Variants in PTPRD observed in about 807,000 individuals in gnomAD.
The protein encoded by PTPRD is protein tyrosine phosphatase receptor type D.
In PTPRD, 34 loss-of-function variants were observed where a neutral mutation model predicts 214.5. The ratio of observed to expected loss-of-function variants is 0.16; its 90% CI spans 0.12 to 0.21. The LOEUF (loss-of-function observed/expected upper bound fraction) is 0.21, where lower values mean the gene tolerates loss of function less well. PTPRD is among the 10% of genes least tolerant of loss of function. The pLI, the probability that PTPRD is intolerant of heterozygous loss-of-function variation, is 1.00. For synonymous variants in PTPRD, 1,128 were observed against 845.7 expected, an observed-to-expected ratio of 1.33 and a Z score of -5.79; for missense variants, 2,545 against 2,398.7, an observed-to-expected ratio of 1.06 and a Z score of -1.27.
intron 9 of PTPRD, among the ~76,000 whole-genome samples, chr9:9,189,838 G>A (rs776260678): frequency 1.3e-5 from 2 of 151,974 alleles, no homozygotes; most frequent in Admixed American, 1.3e-4. Flanking sequence ...GCTGTTCATT[G>A]ATATTTCCAT....
At chr9:9,405,528 C>T (rs555675715) in intron 8 of PTPRD, among the ~76,000 whole-genome samples, 9 of 151,980 alleles carry the variant, frequency 5.9e-5, no homozygotes, top group Non-Finnish European at 1.0e-4. Flanking sequence ...TGCTCTGGGG[C>T]ATGCTTTATA....
At chr9:8,782,492 A>T (rs1359449490) in intron 11 of PTPRD, among the ~76,000 whole-genome samples, 1 of 152,090 alleles carries the variant, frequency 6.6e-6, no homozygotes, top group African/African-American at 2.4e-5. Context: ...TCTTTTCATC[A>T]TATGGCTAAA....
chr9:8,913,625 T>A (rs2098763618), intron 11 of PTPRD, among the ~76,000 whole-genome samples: 1 of 152,106 alleles, frequency 6.6e-6, no homozygotes, highest in South Asian at 2.1e-4. Flanking sequence ...AATTTAGGAA[T>A]GCGTTTTGCA....
chr9:9,967,760 G>A (rs1050019027), intron 4 of PTPRD, among the ~76,000 whole-genome samples: 1 of 152,112 alleles, frequency 6.6e-6, no homozygotes, highest in Non-Finnish European at 1.5e-5. Context: ...AAGAACTATT[G>A]ATATAGACAT....
In PTPRD at chr9:10,060,893, CTTCCTTCTTTCTTTCTTTCT is replaced by C. The variant is rs1354234336; in HGVS notation, c.-544-27123_-544-27104del. On this transcript the variant is annotated intron_variant, in intron 3 of 45. Coordinates refer to ENST00000381196, the MANE Select transcript of PTPRD (RefSeq NM_002839.4). Reference sequence around the variant, plus strand: ...CTTTCCTTCCTTCCTTCCTTCCTTCCTTCCTTCTTTCTTTCTTTCTTTCTTTCTTTCTTTCTTTCTTTCTT... The same window carrying C: ...CTTTCCTTCCTTCCTTCCTTCCTTCCTTCTTTCTTTCTTTCTTTCTTTCTT... Among the ~76,000 whole-genome samples, 148 of 79,238 alleles carry C rather than the reference CTTCCTTCTTTCTTTCTTTCT, an allele frequency of 1.9e-3. 10 individuals carry two copies. In the African/African-American group the frequency reaches 0.019, roughly 10 times the overall value. The allele number at this position is 79,238 out of a possible 152,430, so 52.0% of individuals were successfully genotyped here. A position where few individuals can be genotyped will look rare whatever the true frequency, so the allele number is the denominator to read the frequency against.
chr9:8,656,691 A>G (rs2096916281), intron 12 of PTPRD, among the ~76,000 whole-genome samples: 1 of 152,212 alleles, frequency 6.6e-6, no homozygotes, highest in South Asian at 2.1e-4. Context: ...CTGAATTGAA[A>G]TATATTTGTT....
chr9:10,045,871 T>G (rs866093184), intron 3 of PTPRD, among the ~76,000 whole-genome samples: 6 of 151,732 alleles, frequency 4.0e-5, no homozygotes, highest in Non-Finnish European at 8.9e-5. Context: ...ATTTATTCTG[T>G]GTTAAGAATC....
At chr9:10,464,452 G>C (rs1379141511) in intron 2 of PTPRD, among the ~76,000 whole-genome samples, 1 of 151,294 alleles carries the variant, frequency 6.6e-6, no homozygotes, top group African/African-American at 2.4e-5. Context: ...AGGAGGAAAG[G>C]AGGAGAGGAG....
chr9:10,039,574 A>T (rs2097257814), intron 3 of PTPRD, among the ~76,000 whole-genome samples: 1 of 152,068 alleles, frequency 6.6e-6, no homozygotes, highest in African/African-American at 2.4e-5. Flanking sequence ...CCTTATATAA[A>T]GAACACTTAG....
chr9:9,919,175 T>TA (rs201195966), intron 5 of PTPRD, among the ~76,000 whole-genome samples: 2 of 152,138 alleles, frequency 1.3e-5, no homozygotes, highest in Non-Finnish European at 2.9e-5. Context: ...TTTTTGCTCC[T>TA]AATTTTTTGT....
intron 8 of PTPRD, among the ~76,000 whole-genome samples, chr9:9,443,061 G>A (rs1429999742): frequency 6.6e-6 from 1 of 152,006 alleles, no homozygotes; most frequent in African/African-American, 2.4e-5. Context: ...TGTGCCACAA[G>A]TAGAATTATG....
chr9:8,422,473 A>G (rs2094433717), intron 35 of PTPRD, among the ~76,000 whole-genome samples: 1 of 152,148 alleles, frequency 6.6e-6, no homozygotes, highest in African/African-American at 2.4e-5. Context: ...AATGTCATCT[A>G]TTGCATAATG....
chr9:8,659,369 T>C (rs1004252575), intron 12 of PTPRD, among the ~76,000 whole-genome samples: 1 of 152,216 alleles, frequency 6.6e-6, no homozygotes, highest in African/African-American at 2.4e-5. Context: ...AACAATTCCA[T>C]ATTTTATGAG....
intron 5 of PTPRD, among the ~76,000 whole-genome samples, chr9:9,903,112 G>C (rs563803680): frequency 6.6e-6 from 1 of 152,142 alleles, no homozygotes; most frequent in East Asian, 1.9e-4. Context: ...CATGAAATAA[G>C]TAATCAAATG....
At chr9:10,294,309 A>G (rs981786616) in intron 3 of PTPRD, among the ~76,000 whole-genome samples, 2 of 151,966 alleles carry the variant, frequency 1.3e-5, no homozygotes, top group African/African-American at 4.8e-5. Context: ...ATACAGGAAG[A>G]AAAAAATTCC....
intron 9 of PTPRD, among the ~76,000 whole-genome samples, chr9:9,236,816 G>C (rs1042320418): frequency 6.6e-6 from 1 of 151,990 alleles, no homozygotes; most frequent in African/African-American, 2.4e-5. Flanking sequence ...AGAGAGAAAT[G>C]TGTGTTAAGC....
At chr9:8,923,107 T>C (rs1048955615) in intron 11 of PTPRD, among the ~76,000 whole-genome samples, 4 of 150,968 alleles carry the variant, frequency 2.6e-5, no homozygotes, top group East Asian at 2.0e-4. Flanking sequence ...AATGGTGTGG[T>C]CTCGGTTCAC....
At chr9:9,224,893 T>A (rs1301746935) in intron 9 of PTPRD, among the ~76,000 whole-genome samples, 4 of 152,022 alleles carry the variant, frequency 2.6e-5, no homozygotes, top group Non-Finnish European at 5.9e-5. Flanking sequence ...GATGTCTACA[T>A]GTTGTCTATG....
chr9:9,578,995 C>T (rs2089926087), intron 7 of PTPRD, among the ~76,000 whole-genome samples: 1 of 152,028 alleles, frequency 6.6e-6, no homozygotes, highest in Non-Finnish European at 1.5e-5. Context: ...TAAAACTGAG[C>T]TATAAGTATA....
Sources: gnomAD v4.1 joint callset for allele counts (sites outside exome capture counted in the v4.1 genomes callset) on GRCh38, gnomAD v4.1.1 for gene constraint, MANE v1.5 for transcripts, NCBI Gene and HGNC (gene_info 2026-07-23, HGNC 2026-07-21) for gene names.